The following TNFRSF1A variants were observed in gnomAD, a reference collection of about 807,000 sequenced individuals.
TNFRSF1A encodes tumor necrosis factor receptor superfamily member 1A.
In TNFRSF1A, 9 loss-of-function variants were observed where a neutral mutation model predicts 41.6. The ratio of observed to expected loss-of-function variants is 0.22; its 90% CI spans 0.13 to 0.38. The LOEUF (loss-of-function observed/expected upper bound fraction) is 0.38. Ranked by LOEUF, TNFRSF1A falls within the 10% of genes least tolerant of loss-of-function variation. TNFRSF1A has a pLI of 1.00. For synonymous variants in TNFRSF1A, 254 were observed against 248.6 expected (o/e 1.02, Z -0.21); for missense variants, 463 against 591.5 (o/e 0.78, Z 2.25).
intron 1 of TNFRSF1A, among the ~76,000 whole-genome samples, chr12:6,335,319 G>A (rs1324189053): frequency 6.6e-6 from 1 of 152,178 alleles, no homozygotes; most frequent in African/African-American, 2.4e-5. Context: ...GGGGGCAGGA[G>A]TGGGCAAAGG....
chr12:6,341,953 C>A lies in TNFRSF1A; in HGVS notation c.-139G>T. 1.2e-6 allele frequency: 1 copy of A among 841,982 alleles called. No homozygotes were observed. Among genetic ancestry groups the A allele is most frequent in the East Asian group, 2.6e-5 (1 of 38,970 alleles). The allele number at this position is 841,982 out of a possible 1,614,324, so 52.2% of individuals were successfully genotyped here. ...TGACAGTTGAGGGTTGAGACTCGGG[C>A]ATAGAGATCACGGCCTGGTCCCAGT... On this transcript the variant is annotated 5_prime_UTR_variant, in exon 1 of 10. It removes an upstream start codon present in the reference 5' UTR. Coordinates refer to ENST00000162749, the MANE Select transcript of TNFRSF1A (RefSeq NM_001065.4). This position sits in a 1 kb window ranked among gnomAD's most constrained non-coding sequence, Gnocchi z 4.6.
In TNFRSF1A at chr12:6,334,202, T is replaced by A. The variant is rs1469599003; in HGVS notation, c.82A>T (p.Ile28Phe). The A allele has an allele frequency of 6.2e-7, 1 of 1,613,904 alleles. No individual in the cohort carries two copies. Among genetic ancestry groups the A allele is most frequent in the African/African-American group, 1.3e-5 (1 of 74,878 alleles). ...TCCCCTAGGTGAGGGACCAGTCCAA[T>A]AACCCCTGAGGGGTATATTCCCACC... ...LLVGIYPSGVIGLVPHLGDRE... is the reference protein window; with the variant it reads ...LLVGIYPSGVFGLVPHLGDRE... Residue 28 changes from isoleucine (I) to phenylalanine (F), a missense_variant, in exon 2 of 10, where the codon ATT becomes TTT. By Grantham distance (21) the Ile-to-Phe change is conservative. Transcript: ENST00000162749. This position sits in a 1 kb window ranked among gnomAD's most constrained non-coding sequence, Gnocchi z 5.1.
rs1313779417 is a variant in TNFRSF1A at position 6,334,852 on chromosome 12, G to A, written c.40-608C>T. On this transcript the variant is annotated intron_variant, in intron 1 of 9. Coordinates refer to ENST00000162749, the MANE Select transcript of TNFRSF1A (RefSeq NM_001065.4). The surrounding 1 kb of genome is among the most constrained non-coding windows in gnomAD (Gnocchi z 5.1). The stretch of plus-strand genomic sequence containing the variant: ...AGCTAACAGTGCTGGACACAGGGCA[G>A]ATGTTGAAAGGATGTGTTTTTGATT... Among the ~76,000 whole-genome samples, 2 of 152,188 alleles carry A rather than the reference G, an allele frequency of 1.3e-5. No individual in the cohort carries two copies. Among genetic ancestry groups the A allele is most frequent in the East Asian group, 3.8e-4 (2 of 5,200 alleles).
rs751629915 is a variant in TNFRSF1A at position 6,333,915 on chromosome 12, A to G, written c.194-50T>C. ...GCTGCGGGTGAGAACACAAGGAAGG[A>G]GCCCCATGCTAGGGACAACAGCCAG... On this transcript the variant is annotated intron_variant, in intron 2 of 9. Coordinates refer to ENST00000162749, the MANE Select transcript of TNFRSF1A (RefSeq NM_001065.4). This position sits in a 1 kb window ranked among gnomAD's most constrained non-coding sequence, Gnocchi z 6.3. 6.2e-7 allele frequency: 1 copy of G among 1,602,132 alleles called. No homozygotes were observed. Among genetic ancestry groups the G allele is most frequent in the Non-Finnish European group, 8.5e-7 (1 of 1,173,722 alleles).
Position 6,330,009 on chromosome 12 carries a change from T to A in TNFRSF1A, c.826A>T (p.Thr276Ser). Reference protein sequence around the residue: ...PLAPNPSFSPTPGFTPTLGFS... With the variant: ...PLAPNPSFSPSPGFTPTLGFS... ...CCCAGGGTGGGGGTGAAGCCTGGAG[T>A]GGGACTGAAGCTTGGGTTTGGGGCC... The change falls in exon 9 of 10, where the codon ACT (threonine) becomes TCT (serine). Residue 276 changes from threonine (T) to serine (S), a missense_variant. Around this residue, in one of 4 missense-constraint regions of TNFRSF1A, gnomAD observed 277 missense variants for 288.8 expected, o/e 0.96. Transcript: ENST00000162749. The A allele has an allele frequency of 6.2e-7, 1 of 1,607,156 alleles. No homozygotes were observed. Among genetic ancestry groups the A allele is most frequent in the South Asian group, 1.1e-5 (1 of 90,262 alleles).
At chr12:6,338,764 G>A (rs930111225) in intron 1 of TNFRSF1A, among the ~76,000 whole-genome samples, 8 of 151,984 alleles carry the variant, frequency 5.3e-5, no homozygotes, top group African/African-American at 1.7e-4. Flanking sequence ...CGAATAGCTG[G>A]GATGACAAGC....
rs529532241 is a variant in TNFRSF1A, at chr12:6,337,905, C to G, written c.40-3661G>C. Reference sequence around the variant, plus strand: ...TCTAATGATACATCTGTCTTCCACTCTAGTAGAAGCCAGTGATTCCCAAAG... The same window carrying G: ...TCTAATGATACATCTGTCTTCCACTGTAGTAGAAGCCAGTGATTCCCAAAG... On this transcript the variant is annotated intron_variant, in intron 1 of 9. Coordinates refer to ENST00000162749, the MANE Select transcript of TNFRSF1A (RefSeq NM_001065.4). The surrounding 1 kb of genome is among the most constrained non-coding windows in gnomAD (Gnocchi z 4.6). 1.3e-5 allele frequency among the ~76,000 whole-genome samples: 2 copies of G among 152,202 alleles called. No individual in the cohort carries two copies. Among genetic ancestry groups the G allele is most frequent in the Admixed American group, 6.5e-5 (1 of 15,294 alleles).
In TNFRSF1A at chr12:6,333,478, G is replaced by A. The variant is rs104895276; in HGVS notation, c.361C>T (p.Arg121Trp). The A allele has an allele frequency of 3.1e-6, 5 of 1,613,234 alleles. No homozygotes were observed. Among genetic ancestry groups the A allele is most frequent in the Admixed American group, 1.7e-5 (1 of 59,946 alleles). ...TTCCTGCAGCCACACACGGTGTCCC[G>A]GTCCACTGTGCAAGAAGAGATCTCC... ...QVEISSCTVD[R>W]DTVCGCRKNQ... Residue 121 changes from arginine to tryptophan, a missense_variant, in exon 4 of 10, where the codon CGG (arginine) becomes TGG (tryptophan). Around this residue, in one of 4 missense-constraint regions of TNFRSF1A, gnomAD observed 149 missense variants for 239.4 expected, o/e 0.62. Transcript: ENST00000162749. The surrounding 1 kb of genome is among the most constrained non-coding windows in gnomAD (Gnocchi z 6.3).
rs1948017483 is a variant in TNFRSF1A, at chr12:6,329,936, G to T, written c.899C>A (p.Thr300Asn). The change falls in exon 9 of 10, where the codon ACC becomes AAC. Residue 300 changes from threonine to asparagine, a missense_variant. Coordinates refer to ENST00000162749, the MANE Select transcript of TNFRSF1A (RefSeq NM_001065.4). ...SSTFTSSSTY[T>N]PGDCPNFAAP... ...CGCAAAGTTGGGACAGTCACCGGGG[G>T]TATAGGTGGAGCTGGAGGTGAAGGT... 3.8e-6 allele frequency: 6 copies of T among 1,571,538 alleles called. No homozygotes were observed. Among genetic ancestry groups the T allele is most frequent in the Non-Finnish European group, 5.2e-6 (6 of 1,156,886 alleles).
Position 6,333,324 on chromosome 12 carries a change from C to G in TNFRSF1A, c.472+43G>C, listed in dbSNP as rs111785887. On this transcript the variant is annotated intron_variant, in intron 4 of 9. Coordinates refer to ENST00000162749, the MANE Select transcript of TNFRSF1A (RefSeq NM_001065.4). The surrounding 1 kb of genome is among the most constrained non-coding windows in gnomAD (Gnocchi z 6.3). ...CACCGCATGGGGAAGGGGCCAACCCCTGGGGTGGGGAGAGGGCTTGGCCTC... is the reference window on the plus strand; with the variant it reads ...CACCGCATGGGGAAGGGGCCAACCCGTGGGGTGGGGAGAGGGCTTGGCCTC... 1.4e-5 allele frequency: 23 copies of G among 1,605,762 alleles called. No individual in the cohort carries two copies. The African/African-American group carries it at 1.6e-4, about 11-fold the overall frequency.
intron 5 of TNFRSF1A, 183 bp from the exon 6 acceptor site, chr12:6,331,109 G>C: frequency 1.5e-6 from 1 of 653,528 alleles, no homozygotes; most frequent in Admixed American, 2.3e-5. Context: ...TTTAATTTTA[G>C]AATTGGCAGG....
rs1948189092 is a variant in TNFRSF1A, at chr12:6,341,104, A to T, written c.39+672T>A. ...CCTAGCAGCAGGCAAAAGGGTAAAG[A>T]ATGTCCCCAGGTGAGAGGCCGGGGC... On this transcript the variant is annotated intron_variant, in intron 1 of 9. Coordinates refer to ENST00000162749, the MANE Select transcript of TNFRSF1A (RefSeq NM_001065.4). This position sits in a 1 kb window ranked among gnomAD's most constrained non-coding sequence, Gnocchi z 4.6. Among the ~76,000 whole-genome samples the T allele has an allele frequency of 6.6e-6, 1 of 151,984 alleles. No individual in the cohort carries two copies. Among genetic ancestry groups the T allele is most frequent in the South Asian group, 2.1e-4 (1 of 4,810 alleles).
chr12:6,339,816 T>TTCTCTCTCTCTCTC (rs71450139), intron 1 of TNFRSF1A, among the ~76,000 whole-genome samples: 9 of 139,334 alleles, frequency 6.5e-5, no homozygotes, highest in African/African-American at 2.2e-4. Flanking sequence ...CCTACCCCAC[T>TTCTCTCTCTCTCTC]TCTCTCTCTC....
At chr12:6,340,416 C>A (rs898895379) in intron 1 of TNFRSF1A, among the ~76,000 whole-genome samples, 1 of 152,140 alleles carries the variant, frequency 6.6e-6, no homozygotes, top group Non-Finnish European at 1.5e-5. Context: ...CAGGGGCCGC[C>A]CCCAAACAGA....
intron 7 of TNFRSF1A, 78 bp from the exon 8 acceptor site, chr12:6,330,373 G>T (rs1190586903): frequency 1.4e-6 from 2 of 1,417,054 alleles, no homozygotes; most frequent in East Asian, 4.5e-5. Flanking sequence ...CTGGCAGTGG[G>T]GACTTGTGGT....
At position 6,334,205 on chromosome 12, in the gene TNFRSF1A, C is replaced by T. The variant is rs1182623871; in HGVS notation, c.79G>A (p.Val27Ile). ...ELLVGIYPSGVIGLVPHLGDR... is the reference protein window; with the variant it reads ...ELLVGIYPSGIIGLVPHLGDR... ...CCTAGGTGAGGGACCAGTCCAATAACCCCTGAGGGGTATATTCCCACCAAC... is the reference window on the plus strand; with the variant it reads ...CCTAGGTGAGGGACCAGTCCAATAATCCCTGAGGGGTATATTCCCACCAAC... The change falls in exon 2 of 10, where the codon GTT becomes ATT. Residue 27 changes from valine (V) to isoleucine (I), a missense_variant. By Grantham distance (29) the Val-to-Ile change is conservative. This residue lies in a region of TNFRSF1A where 37 missense variants were observed against 46.5 expected (regional missense o/e 0.80). Coordinates refer to ENST00000162749, the MANE Select transcript of TNFRSF1A (RefSeq NM_001065.4). The surrounding 1 kb of genome is among the most constrained non-coding windows in gnomAD (Gnocchi z 5.1). 6.2e-7 allele frequency: 1 copy of T among 1,613,950 alleles called. No homozygotes were observed. The highest frequency in any genetic ancestry group is 8.5e-7 in the Non-Finnish European group (1 of 1,179,988).
Position 6,333,633 on chromosome 12 carries a change from C to T in TNFRSF1A, c.322+104G>A. The T allele has an allele frequency of 6.4e-7, 1 of 1,574,284 alleles. No individual in the cohort carries two copies. The highest frequency in any genetic ancestry group is 1.3e-5 in the African/African-American group (1 of 74,160). On this transcript the variant is annotated intron_variant, in intron 3 of 9. Coordinates refer to ENST00000162749, the MANE Select transcript of TNFRSF1A (RefSeq NM_001065.4). The surrounding 1 kb of genome is among the most constrained non-coding windows in gnomAD (Gnocchi z 6.3). The stretch of plus-strand genomic sequence containing the variant: ...ACACACTCACATCCATGCAGTGTCC[C>T]ACCAAAACACACACCTTCCTGCCCA...
chr12:6,330,625 G>T lies in TNFRSF1A; in HGVS notation c.712C>A (p.Arg238=), dbSNP rs1204744292. The T allele has an allele frequency of 6.2e-7, 1 of 1,613,554 alleles. No individual in the cohort carries two copies. The highest frequency in any genetic ancestry group is 1.1e-5 in the South Asian group (1 of 91,072). The stretch of plus-strand genomic sequence containing the variant: ...ATGGAGTAGAGCTTGGACTTCCACC[G>T]TTGGTAGCGATACATTAAACCAATG... ...LFIGLMYRYQ[R]WKSKLYSIVC... The change falls in exon 7 of 10, where the codon CGG becomes AGG. Residue 238 remains arginine (R), a synonymous_variant. Coordinates refer to ENST00000162749, the MANE Select transcript of TNFRSF1A (RefSeq NM_001065.4).
intron 1 of TNFRSF1A, among the ~76,000 whole-genome samples, chr12:6,340,746 G>A (rs1385251610): frequency 3.3e-5 from 5 of 152,220 alleles, no homozygotes; most frequent in Non-Finnish European, 4.4e-5. Flanking sequence ...GGAGGTAGGC[G>A]CAGCCTTCAG....
Sources: gnomAD v4.1 joint callset for allele counts (sites outside exome capture counted in the v4.1 genomes callset) on GRCh38, gnomAD v4.1.1 for gene constraint, gnomAD v4.1.1 regional missense constraint, Gnocchi (gnomAD v3.1) non-coding constraint, MANE v1.5 for transcripts, NCBI Gene and HGNC (gene_info 2026-07-23, HGNC 2026-07-21) for gene names.